Variants in SGMS2 observed in about 807,000 individuals in gnomAD.
SGMS2 encodes phosphatidylcholine:ceramide cholinephosphotransferase 2.
Under a neutral mutation model 43.8 loss-of-function variants are expected in SGMS2, and 21 were observed. That is an observed-to-expected ratio of 0.48 (90% CI 0.34 to 0.69). The LOEUF is 0.69. Ranked by LOEUF, SGMS2 falls within the 30% of genes least tolerant of loss-of-function variation. SGMS2 has a pLI of 0.01. For missense variants in SGMS2, 384 were observed against 443.2 expected, an observed-to-expected ratio of 0.87 and a Z score of 1.20; for synonymous variants, 167 against 160.6, an observed-to-expected ratio of 1.04 and a Z score of -0.30.
intron 1 of SGMS2, among the ~76,000 whole-genome samples, chr4:107,851,695 C>A (rs962459312): frequency 6.6e-6 from 1 of 152,106 alleles, no homozygotes; most frequent in Non-Finnish European, 1.5e-5. Context: ...CTATAATAAC[C>A]CCCTCCCAAA....
At position 107,910,649 on chromosome 4, in the gene SGMS2, A is replaced by C; in HGVS notation, c.*96A>C. 1 of 1,209,578 alleles carries C rather than the reference A, an allele frequency of 8.3e-7. No individual in the cohort carries two copies. Among genetic ancestry groups the C allele is most frequent in the Non-Finnish European group, 1.1e-6 (1 of 873,264 alleles). The allele number at this position is 1,209,578 out of a possible 1,614,324, so 74.9% of individuals were successfully genotyped here. On this transcript the variant is annotated 3_prime_UTR_variant, in exon 7 of 7. Transcript: ENST00000690982. ...TTTATTTTAGGAGAACTGACTGGTA[A>C]ATGAAGAAATGGACCAAATTTTGTG... is the stretch of plus-strand genomic sequence containing the variant.
chr4:107,831,518 G>A (rs940401722), intron 1 of SGMS2, among the ~76,000 whole-genome samples: 8 of 152,168 alleles, frequency 5.3e-5, no homozygotes, highest in Non-Finnish European at 8.8e-5. Flanking sequence ...AAAACATTGA[G>A]AGTAATGCCT....
intron 1 of SGMS2, among the ~76,000 whole-genome samples, chr4:107,855,599 C>G (rs955711641): frequency 6.6e-6 from 1 of 152,004 alleles, no homozygotes; most frequent in Non-Finnish European, 1.5e-5. Flanking sequence ...GTTTTGTGGT[C>G]TAAGATATGA....
Position 107,895,897 on chromosome 4 carries a change from A to G in SGMS2, c.344A>G (p.Asp115Gly), listed in dbSNP as rs1224977124. Reference protein sequence around the residue: ...PPKELSPPLPDKFFDYIDRVK... With the variant: ...PPKELSPPLPGKFFDYIDRVK... ...AAGGAGCTTAGCCCTCCACTCCCAGACAAGTTTTTTGATTACATTGATAGG... is the reference window on the plus strand; with the variant it reads ...AAGGAGCTTAGCCCTCCACTCCCAGGCAAGTTTTTTGATTACATTGATAGG... The change falls in exon 3 of 7, where the codon GAC becomes GGC. Residue 115 changes from aspartate to glycine, a missense_variant. Transcript: ENST00000690982. 14 of 1,613,952 alleles carry G rather than the reference A, an allele frequency of 8.7e-6. No individual in the cohort carries two copies. The highest frequency in any genetic ancestry group is 1.2e-5 in the Non-Finnish European group (14 of 1,179,926).
chr4:107,860,030 C>T (rs1252995801), intron 2 of SGMS2, among the ~76,000 whole-genome samples: 1 of 151,954 alleles, frequency 6.6e-6, no homozygotes, highest in African/African-American at 2.4e-5. Flanking sequence ...CATTTTCATA[C>T]ATTTCGCATT....
intron 1 of SGMS2, among the ~76,000 whole-genome samples, chr4:107,832,582 A>T (rs1027614398): frequency 6.6e-6 from 1 of 152,240 alleles, no homozygotes; most frequent in Non-Finnish European, 1.5e-5. Context: ...TGTGGAATCT[A>T]GCATGTTTCT....
At chr4:107,881,655 T>C (rs1027107295) in intron 2 of SGMS2, among the ~76,000 whole-genome samples, 1 of 152,176 alleles carries the variant, frequency 6.6e-6, no homozygotes, top group Non-Finnish European at 1.5e-5. Flanking sequence ...TACAATAAAT[T>C]ATTGTTGACT....
intron 2 of SGMS2, among the ~76,000 whole-genome samples, chr4:107,872,781 C>T (rs1294885029): frequency 2.0e-5 from 3 of 152,114 alleles, no homozygotes; most frequent in Non-Finnish European, 4.4e-5. Flanking sequence ...AGTAAATGTT[C>T]CATGTAGTAT....
chr4:107,829,839 T>G (rs1445491456), intron 1 of SGMS2, among the ~76,000 whole-genome samples: 1 of 143,766 alleles, frequency 7.0e-6, no homozygotes, highest in Admixed American at 6.8e-5. Context: ...CCTTCCAACG[T>G]GGTGAATAAC....
At chr4:107,828,046 A>G (rs1275258314) in intron 1 of SGMS2, among the ~76,000 whole-genome samples, 3 of 152,304 alleles carry the variant, frequency 2.0e-5, no homozygotes, top group Non-Finnish European at 4.4e-5. Flanking sequence ...ACTATGGTAG[A>G]TTTTTAAGAG....
At chr4:107,840,309 G>T (rs533693830) in intron 1 of SGMS2, among the ~76,000 whole-genome samples, 1 of 152,324 alleles carries the variant, frequency 6.6e-6, no homozygotes, top group Non-Finnish European at 1.5e-5. Context: ...CTGTAGTAAT[G>T]CCTGACTTGG....
intron 2 of SGMS2, among the ~76,000 whole-genome samples, chr4:107,868,482 C>G (rs1578565060): frequency 6.6e-6 from 1 of 152,126 alleles, no homozygotes; most frequent in East Asian, 1.9e-4. Context: ...TTTGGGAGGC[C>G]TAGGCGGGTG....
chr4:107,855,733 G>GT (rs1206054242), intron 1 of SGMS2, among the ~76,000 whole-genome samples: 1 of 152,122 alleles, frequency 6.6e-6, no homozygotes, highest in African/African-American at 2.4e-5. Context: ...TAATTCCAAT[G>GT]TTTTTTACTG....
At chr4:107,871,608 G>C (rs558486966) in intron 2 of SGMS2, among the ~76,000 whole-genome samples, 1 of 152,134 alleles carries the variant, frequency 6.6e-6, no homozygotes, top group East Asian at 1.9e-4. Context: ...TTGGCTGTCT[G>C]TTTACTTTAC....
rs768761967 is a variant in SGMS2, at chr4:107,895,914, A to G, written c.361A>G (p.Ile121Val). The change falls in exon 3 of 7, where the codon ATT (isoleucine) becomes GTT (valine). Residue 121 changes from isoleucine to valine, a missense_variant. Coordinates refer to ENST00000690982, the MANE Select transcript of SGMS2 (RefSeq NM_001375905.1). ...PPLPDKFFDY[I>V]DRVKWAFSVS... ...ACTCCCAGACAAGTTTTTTGATTAC[A>G]TTGATAGGGTGAAATGGGCATTTTC... 5.0e-6 allele frequency: 8 copies of G among 1,613,832 alleles called. No individual in the cohort carries two copies. In the Admixed American group the frequency reaches 8.3e-5, roughly 17 times the overall value.
chr4:107,849,944 C>A (rs1448298535), intron 1 of SGMS2, among the ~76,000 whole-genome samples: 1 of 152,128 alleles, frequency 6.6e-6, no homozygotes, highest in African/African-American at 2.4e-5. Context: ...GGATGTGTGT[C>A]CCCACCCAAA....
chr4:107,897,356 A>C (rs933200463), intron 3 of SGMS2, among the ~76,000 whole-genome samples: 1 of 152,212 alleles, frequency 6.6e-6, no homozygotes, highest in Non-Finnish European at 1.5e-5. Flanking sequence ...GAAATTGTTA[A>C]AGGATGCTTT....
chr4:107,886,584 A>G (rs1371120442), intron 2 of SGMS2: 1 of 151,922 alleles, frequency 6.6e-6, no homozygotes, highest in Admixed American at 6.6e-5. Context: ...AATACCTGTG[A>G]ATTGGGTGAT....
At chr4:107,834,075 G>GA (rs1011848689) in intron 1 of SGMS2, among the ~76,000 whole-genome samples, 4 of 152,138 alleles carry the variant, frequency 2.6e-5, no homozygotes, top group Non-Finnish European at 5.9e-5. Flanking sequence ...AACTGTAGGA[G>GA]AAAAAAATCT....
Sources: gnomAD v4.1 joint callset for allele counts (sites outside exome capture counted in the v4.1 genomes callset) on GRCh38, gnomAD v4.1.1 for gene constraint, MANE v1.5 for transcripts, NCBI Gene and HGNC (gene_info 2026-07-23, HGNC 2026-07-21) for gene names.